The following SLC35F3 variants were observed in gnomAD, a reference collection of about 807,000 sequenced individuals.
The protein encoded by SLC35F3 is putative thiamine transporter SLC35F3.
Under a neutral mutation model 49.9 loss-of-function variants are expected in SLC35F3, and 25 were observed. That is an observed-to-expected ratio of 0.50 (90% CI 0.37 to 0.70). The LOEUF (loss-of-function observed/expected upper bound fraction) is 0.70, where lower values mean the gene tolerates loss of function less well. Among genes scored for constraint, SLC35F3 ranks in the 30% least tolerant of loss-of-function variants. SLC35F3 has a pLI of 0.00. For synonymous variants in SLC35F3, 275 were observed against 265.4 expected (o/e 1.04, Z -0.35); for missense variants, 525 against 639.8 (o/e 0.82, Z 1.94).
At chr1:234,244,201 A>C (rs149739883) in intron 3 of SLC35F3, among the ~76,000 whole-genome samples, 1 of 152,228 alleles carries the variant, frequency 6.6e-6, no homozygotes, top group Non-Finnish European at 1.5e-5. Context: ...CTTATTGGCC[A>C]AAAGCTTCCA....
intron 3 of SLC35F3, among the ~76,000 whole-genome samples, chr1:234,288,126 ATCC>A (rs202227009): frequency 0.027 from 4,089 of 151,872 alleles, 158 homozygotes; most frequent in African/African-American, 0.087. Context: ...GCTTCAAGCA[ATCC>A]TCCTGCCTCA....
chr1:234,158,899 G>T (rs1666189099), intron 2 of SLC35F3, among the ~76,000 whole-genome samples: 1 of 152,098 alleles, frequency 6.6e-6, no homozygotes, highest in African/African-American at 2.4e-5. Context: ...TTATAGATAA[G>T]AAAACTAATG....
chr1:234,149,937 TGATTAATGTGCTACAGGA>T (rs1666053692), intron 2 of SLC35F3, among the ~76,000 whole-genome samples: 5 of 152,304 alleles, frequency 3.3e-5, no homozygotes, highest in Admixed American at 3.3e-4. Context: ...GCAGGGCTGG[TGATTAATGTGCTACAGGA>T]TGCATTTTGT....
At chr1:234,294,460 T>C (rs751914927) in intron 3 of SLC35F3, among the ~76,000 whole-genome samples, 1 of 152,176 alleles carries the variant, frequency 6.6e-6, no homozygotes, top group Non-Finnish European at 1.5e-5. Context: ...CAGGAGCCCC[T>C]AGTTCTAGAC....
chr1:233,997,165 C>T (rs772697039), intron 2 of SLC35F3, among the ~76,000 whole-genome samples: 5 of 152,146 alleles, frequency 3.3e-5, no homozygotes, highest in Non-Finnish European at 7.3e-5. Context: ...GTTGAACACT[C>T]GCGTTGCTTC....
intron 3 of SLC35F3, among the ~76,000 whole-genome samples, chr1:234,262,111 A>G (rs1394987003): frequency 1.3e-5 from 2 of 152,218 alleles, no homozygotes; most frequent in African/African-American, 4.8e-5. Context: ...CTGGAGGGTA[A>G]AGTGATGACT....
chr1:234,177,851 C>A (rs1478341523), intron 2 of SLC35F3, among the ~76,000 whole-genome samples: 4 of 152,236 alleles, frequency 2.6e-5, no homozygotes, highest in East Asian at 1.9e-4. Context: ...ACAATTTGAT[C>A]TTAGATAGTA....
At chr1:234,116,367 G>C (rs186005152) in intron 2 of SLC35F3, among the ~76,000 whole-genome samples, 1 of 152,138 alleles carries the variant, frequency 6.6e-6, no homozygotes, top group East Asian at 1.9e-4. Context: ...ACTCAGTCAG[G>C]GGAAAAGACC....
At chr1:234,041,654 A>G (rs1467367738) in intron 2 of SLC35F3, among the ~76,000 whole-genome samples, 2 of 152,174 alleles carry the variant, frequency 1.3e-5, no homozygotes, top group Non-Finnish European at 2.9e-5. Context: ...TACTCTTCTA[A>G]TCACTTGCAC....
At chr1:234,289,861 A>G (rs1668479858) in intron 3 of SLC35F3, among the ~76,000 whole-genome samples, 1 of 152,210 alleles carries the variant, frequency 6.6e-6, no homozygotes, top group Non-Finnish European at 1.5e-5. Context: ...AAGTAAACCA[A>G]AACATTATGA....
chr1:234,111,670 T>C (rs1449392424), intron 2 of SLC35F3, among the ~76,000 whole-genome samples: 1 of 152,208 alleles, frequency 6.6e-6, no homozygotes, highest in East Asian at 1.9e-4. Context: ...ATGCTCCCTC[T>C]GCTGACTCCA....
intron 3 of SLC35F3, among the ~76,000 whole-genome samples, chr1:234,295,774 G>T (rs1668583615): frequency 6.6e-6 from 1 of 152,204 alleles, no homozygotes; most frequent in Non-Finnish European, 1.5e-5. Flanking sequence ...AAGAAAGCCA[G>T]GCCAGCCAGC....
At chr1:234,104,760 A>G (rs1373034016) in intron 2 of SLC35F3, among the ~76,000 whole-genome samples, 1 of 152,224 alleles carries the variant, frequency 6.6e-6, no homozygotes. Context: ...TACAAATATG[A>G]TTTAATTTTA....
chr1:234,096,271 C>T (rs550098271), intron 2 of SLC35F3, among the ~76,000 whole-genome samples: 1 of 144,548 alleles, frequency 6.9e-6, no homozygotes, highest in South Asian at 2.3e-4. Context: ...TTCCCCACAT[C>T]ACCCTTTTTC....
At chr1:234,318,644 C>A in intron 5 of SLC35F3, 107 bp from the exon 6 acceptor site, 1 of 931,346 alleles carries the variant, frequency 1.1e-6, no homozygotes, top group Non-Finnish European at 1.6e-6. Context: ...ATCTGGTTTC[C>A]ATCCTGCAGT....
At chr1:234,098,831 G>A (rs56327976) in intron 2 of SLC35F3, among the ~76,000 whole-genome samples, 2,881 of 151,346 alleles carry the variant, frequency 0.019, 88 homozygotes, top group African/African-American at 0.064. Flanking sequence ...TGATGGAGGT[G>A]GTGACTATGT....
At chr1:234,187,637 G>C (rs529233091) in intron 2 of SLC35F3, among the ~76,000 whole-genome samples, 3 of 152,324 alleles carry the variant, frequency 2.0e-5, no homozygotes, top group East Asian at 3.9e-4. Flanking sequence ...ATGAACGCGT[G>C]CCCTCACTGG....
At position 234,320,143 on chromosome 1, in the gene SLC35F3, C is replaced by T. The variant is rs1267767423; in HGVS notation, c.1193C>T (p.Thr398Ile). 1 of 1,613,970 alleles carries T rather than the reference C, an allele frequency of 6.2e-7. No individual in the cohort carries two copies. The highest frequency in any genetic ancestry group is 8.5e-7 in the Non-Finnish European group (1 of 1,179,850). ...LNFGIAVTYP[T>I]LMSLGIVLSI... ...TTTGGAATTGCCGTTACATATCCCACTCTGATGTCTCTTGGAATCGTCCTC... is the reference window on the plus strand; with the variant it reads ...TTTGGAATTGCCGTTACATATCCCATTCTGATGTCTCTTGGAATCGTCCTC... The change falls in exon 7 of 8, where the codon ACT becomes ATT. Residue 398 changes from threonine to isoleucine, a missense_variant. Physicochemically the swap from Thr to Ile is moderately conservative, Grantham distance 89. Coordinates refer to ENST00000366618, the MANE Select transcript of SLC35F3 (RefSeq NM_173508.4). The surrounding 1 kb of genome is among the most constrained non-coding windows in gnomAD (Gnocchi z 4.8).
intron 2 of SLC35F3, among the ~76,000 whole-genome samples, chr1:234,092,483 G>A (rs1030347943): frequency 6.6e-6 from 1 of 152,020 alleles, no homozygotes; most frequent in East Asian, 1.9e-4. Context: ...AAATGGCATT[G>A]GAACCAACAT....
Sources: allele counts gnomAD v4.1 joint callset (sites outside exome capture counted in the v4.1 genomes callset), GRCh38; gene constraint gnomAD v4.1.1; non-coding constraint Gnocchi (gnomAD v3.1); transcripts MANE v1.5; gene names NCBI Gene and HGNC (gene_info 2026-07-23, HGNC 2026-07-21).